FANCD2: variants seen among roughly 807,000 people sequenced by gnomAD.
FANCD2 encodes the protein Fanconi anemia group D2 protein.
Under a neutral mutation model 192.3 loss-of-function variants are expected in FANCD2, and 131 were observed. The observed-to-expected ratio is 0.68, with a 90% confidence interval of 0.59 to 0.79. The LOEUF (loss-of-function observed/expected upper bound fraction) is 0.79, where lower values mean the gene tolerates loss of function less well. FANCD2 is among the 30% of genes least tolerant of loss of function. The pLI is 0.00. For missense variants in FANCD2, 1,508 were observed against 1,701.6 expected, an observed-to-expected ratio of 0.89 and a Z score of 2.00; for synonymous variants, 524 against 612.5, an observed-to-expected ratio of 0.86 and a Z score of 2.13.
At chr3:10,060,227 C>G in intron 18 of FANCD2, 67 bp from the exon 19 acceptor site, 1 of 1,094,612 alleles carries the variant, frequency 9.1e-7, no homozygotes, top group Non-Finnish European at 1.4e-6. Context: ...CTATATGGCT[C>G]GATATCCATA....
At chr3:10,065,685 A>T (rs1426877243) in intron 24 of FANCD2, among the ~76,000 whole-genome samples, 179 bp from the exon 25 acceptor site, 1 of 152,266 alleles carries the variant, frequency 6.6e-6, no homozygotes, top group Non-Finnish European at 1.5e-5. Context: ...AATTGTTGCA[A>T]AAACTTTCTA....
At position 10,039,789 on chromosome 3, in the gene FANCD2, C is replaced by T; in HGVS notation, c.639C>T (p.Thr213=). 1 of 1,613,928 alleles carries T rather than the reference C, an allele frequency of 6.2e-7. No homozygotes were observed. The change falls in exon 9 of 44, where the codon ACC becomes ACT. Residue 213 remains threonine, a synonymous_variant. Transcript: ENST00000675286. ...APENLQHDII[T]SLPEILGDSQ... ...AGAACCTGCAGCATGACATCATCAC[C>T]AGCCTACCTGAGATCCTAGGGGATT...
At chr3:10,042,719 T>A in intron 11 of FANCD2, 56 bp downstream of exon 11, 1 of 1,338,636 alleles carries the variant, frequency 7.5e-7, no homozygotes, top group Non-Finnish European at 1.1e-6. Flanking sequence ...CCAATTGCTC[T>A]TCTCTGTCCC....
chr3:10,074,055 C>G (rs1693397768), intron 28 of FANCD2, among the ~76,000 whole-genome samples: 2 of 152,154 alleles, frequency 1.3e-5, no homozygotes, highest in African/African-American at 4.8e-5. Context: ...AAGCGATTCT[C>G]CTGCCTCAGC....
intron 36 of FANCD2, 34 bp from the exon 37 acceptor site, chr3:10,090,258 T>C (rs778698499): frequency 1.3e-6 from 2 of 1,496,624 alleles, no homozygotes; most frequent in South Asian, 1.1e-5. Flanking sequence ...CAGTGCATCA[T>C]GGTGTGGGCA....
intron 26 of FANCD2, among the ~76,000 whole-genome samples, chr3:10,067,984 TA>T (rs374213142): frequency 6.6e-6 from 1 of 152,118 alleles, no homozygotes; most frequent in African/African-American, 2.4e-5. Flanking sequence ...CCTTTCATCA[TA>T]AAAAACCCTC....
rs1284207921 is a variant in FANCD2 at position 10,073,464 on chromosome 3, A to G, written c.2715+102A>G. The G allele has an allele frequency of 6.2e-6, 6 of 971,356 alleles. No homozygotes were observed. The African/African-American group carries it at 9.7e-5, about 16-fold the overall frequency. The allele number at this position is 971,356 out of a possible 1,614,324, so 60.2% of individuals were successfully genotyped here. A position where few individuals can be genotyped will look rare whatever the true frequency, so the allele number is the denominator to read the frequency against. ...ATTTTACAAAGAAAAAAAAATTAGG[A>G]AACAGCGAGCCAAAACTCTCTTAGG... On this transcript the variant is annotated intron_variant, in intron 28 of 43. Transcript: ENST00000675286.
intron 43 of FANCD2, among the ~76,000 whole-genome samples, chr3:10,099,923 G>C (rs917085630): frequency 6.6e-6 from 1 of 151,630 alleles, no homozygotes; most frequent in Non-Finnish European, 1.5e-5. Flanking sequence ...TGGCCTGATG[G>C]GGTGGCTCAC....
rs752630007 is a variant in FANCD2 at position 10,092,276 on chromosome 3, C to T, written c.3849+24C>T. ...AGGTGAGTATGGAGACTGCTTGACA[C>T]ATCTCACCAAATAACTGCAGAAACC... On this transcript the variant is annotated intron_variant, in intron 38 of 43. Coordinates refer to ENST00000675286, the MANE Select transcript of FANCD2 (RefSeq NM_001018115.3). The T allele has an allele frequency of 2.0e-5, 31 of 1,553,736 alleles. No homozygotes were observed. The Admixed American group carries it at 3.7e-4, about 18-fold the overall frequency.
At chr3:10,058,324 T>C (rs1271806053) in intron 18 of FANCD2, 1 of 156,612 alleles carries the variant, frequency 6.4e-6, no homozygotes, top group Non-Finnish European at 1.4e-5. Context: ...ACCACGAAGG[T>C]TGCCACTCCA....
At chr3:10,075,188 C>CTT (rs57693909) in intron 29 of FANCD2, among the ~76,000 whole-genome samples, 46 of 145,226 alleles carry the variant, frequency 3.2e-4, no homozygotes, top group South Asian at 1.3e-3. Context: ...TTATTATTTT[C>CTT]TTTTTTTTTT....
intron 21 of FANCD2, 143 bp downstream of exon 21, chr3:10,064,054 C>T: frequency 8.7e-7 from 1 of 1,150,308 alleles, no homozygotes; most frequent in Non-Finnish European, 1.3e-6. Flanking sequence ...TCTGCCCTAC[C>T]CTGTCTCACG....
chr3:10,087,944 GC>G (rs1281216138), intron 34 of FANCD2, among the ~76,000 whole-genome samples: 5 of 152,192 alleles, frequency 3.3e-5, no homozygotes, highest in Non-Finnish European at 7.4e-5. Context: ...ACTGTGCCCA[GC>G]CCTGGCCTCT....
chr3:10,073,049 T>C (rs548693888), intron 27 of FANCD2, 68 bp downstream of exon 27: 18 of 954,946 alleles, frequency 1.9e-5, no homozygotes, highest in Non-Finnish European at 2.7e-5. Context: ...CTAAAAGTTA[T>C]GTGTATCATG....
In FANCD2 at chr3:10,031,449, C is replaced by T. The variant is rs559412964; in HGVS notation, c.65-1383C>T. On this transcript the variant is annotated intron_variant, in intron 2 of 43. Transcript: ENST00000675286. ...CCCGGGAGGCGGAGCTTGCAGTGAG[C>T]CAAGATCGCGCCACTGCACTCCAGC... 1.5e-4 allele frequency among the ~76,000 whole-genome samples: 23 copies of T among 150,466 alleles called. No homozygotes were observed. The East Asian group carries it at 4.3e-3, about 28-fold the overall frequency.
intron 14 of FANCD2, among the ~76,000 whole-genome samples, chr3:10,044,134 AG>A (rs1418178331): frequency 6.6e-6 from 1 of 152,246 alleles, no homozygotes; most frequent in Admixed American, 6.5e-5. Context: ...ATCAAGGTGC[AG>A]TCAAAGAAGC....
At chr3:10,081,851 A>G (rs1195544279) in intron 32 of FANCD2, among the ~76,000 whole-genome samples, 1 of 152,206 alleles carries the variant, frequency 6.6e-6, no homozygotes, top group East Asian at 1.9e-4. Flanking sequence ...CCAGAAGGGT[A>G]CATGGCCTTT....
intron 27 of FANCD2, 56 bp from the exon 28 acceptor site, chr3:10,073,197 T>C: frequency 7.0e-7 from 1 of 1,426,104 alleles, no homozygotes. Flanking sequence ...GGCAATGATA[T>C]TTGGCAAACA....
chr3:10,089,531 G>A (rs1245342442), intron 36 of FANCD2, among the ~76,000 whole-genome samples: 1 of 151,976 alleles, frequency 6.6e-6, no homozygotes, highest in African/African-American at 2.4e-5. Context: ...GTGCAGTGGC[G>A]TAATCTCAGC....
Sources: allele counts gnomAD v4.1 joint callset (sites outside exome capture counted in the v4.1 genomes callset), GRCh38; gene constraint gnomAD v4.1.1; transcripts MANE v1.5; gene names NCBI Gene and HGNC (gene_info 2026-07-23, HGNC 2026-07-21).